Variants in PLEKHM3 observed in about 807,000 individuals in gnomAD.
The protein encoded by PLEKHM3 is pleckstrin homology domain containing M3.
Under a neutral mutation model 81.8 loss-of-function variants are expected in PLEKHM3, and 45 were observed. That is an observed-to-expected ratio of 0.55 (90% confidence interval 0.43 to 0.71). The LOEUF is 0.71. Ranked by LOEUF, PLEKHM3 falls within the 30% of genes least tolerant of loss-of-function variation. PLEKHM3 has a pLI of 0.00. For missense variants in PLEKHM3, 788 were observed against 924.3 expected (o/e 0.85, Z 1.91); for synonymous variants, 352 against 356.4 (o/e 0.99, Z 0.14).
intron 1 of PLEKHM3, among the ~76,000 whole-genome samples, chr2:208,006,027 T>A (rs977133777): frequency 7.2e-5 from 11 of 152,192 alleles, no homozygotes; most frequent in African/African-American, 2.7e-4. Context: ...TTTGCCAAAT[T>A]GTACCAAAAT....
intron 7 of PLEKHM3, among the ~76,000 whole-genome samples, chr2:207,842,595 A>G (rs2092360660): frequency 6.7e-6 from 1 of 148,862 alleles, no homozygotes; most frequent in Non-Finnish European, 1.5e-5. Flanking sequence ...AGGAGGGAAG[A>G]AGGAGGGAAG....
At chr2:207,889,020 G>C (rs539076853) in intron 6 of PLEKHM3, among the ~76,000 whole-genome samples, 2 of 152,252 alleles carry the variant, frequency 1.3e-5, no homozygotes, top group East Asian at 3.9e-4. Flanking sequence ...CCTATAAATG[G>C]CCTCTATGTT....
chr2:207,939,690 T>G (rs1689871773), intron 4 of PLEKHM3, among the ~76,000 whole-genome samples: 1 of 152,146 alleles, frequency 6.6e-6, no homozygotes. Flanking sequence ...AAACTAAGAC[T>G]GAGAGAGAGT....
intron 7 of PLEKHM3, among the ~76,000 whole-genome samples, chr2:207,852,400 G>T (rs1438617556): frequency 2.0e-5 from 3 of 152,140 alleles, no homozygotes; most frequent in Non-Finnish European, 2.9e-5. Flanking sequence ...AAATGTTAGT[G>T]CCATTCCCTT....
At chr2:207,878,652 C>A (rs566577325) in intron 6 of PLEKHM3, among the ~76,000 whole-genome samples, 1 of 152,110 alleles carries the variant, frequency 6.6e-6, no homozygotes, top group East Asian at 1.9e-4. Context: ...CACAATGGTT[C>A]CAAGAGGTCA....
chr2:207,845,348 T>C (rs951797939), intron 7 of PLEKHM3, among the ~76,000 whole-genome samples: 2 of 152,260 alleles, frequency 1.3e-5, no homozygotes, highest in African/African-American at 4.8e-5. Context: ...CAGAACATAC[T>C]GCTCAGTCTG....
At chr2:207,953,709 A>G (rs953714741) in intron 3 of PLEKHM3, among the ~76,000 whole-genome samples, 1 of 152,074 alleles carries the variant, frequency 6.6e-6, no homozygotes, top group African/African-American at 2.4e-5. Context: ...ACATGCCTGT[A>G]ATCCCTGCTT....
chr2:207,846,301 C>A (rs2092382370), intron 7 of PLEKHM3, among the ~76,000 whole-genome samples: 1 of 151,924 alleles, frequency 6.6e-6, no homozygotes, highest in Non-Finnish European at 1.5e-5. Flanking sequence ...GCCACCACAC[C>A]CGGCTAATTT....
At chr2:207,832,513 C>T (rs371096143) in intron 7 of PLEKHM3, among the ~76,000 whole-genome samples, 1 of 152,044 alleles carries the variant, frequency 6.6e-6, no homozygotes, top group African/African-American at 2.4e-5. Flanking sequence ...ATTCATTGGC[C>T]GGGTGCAGTG....
intron 7 of PLEKHM3, among the ~76,000 whole-genome samples, chr2:207,836,496 C>T (rs1405588290): frequency 6.6e-6 from 1 of 152,142 alleles, no homozygotes; most frequent in East Asian, 1.9e-4. Flanking sequence ...GTTATTGAAA[C>T]TAGGAAAATG....
At chr2:208,011,485 T>C (rs1288457159) in intron 1 of PLEKHM3, among the ~76,000 whole-genome samples, 1 of 152,184 alleles carries the variant, frequency 6.6e-6, no homozygotes, top group Non-Finnish European at 1.5e-5. Context: ...TGGAGACTAC[T>C]ATTCTAAGTG....
intron 3 of PLEKHM3, among the ~76,000 whole-genome samples, chr2:207,955,131 G>A (rs1690460036): frequency 6.6e-6 from 1 of 152,160 alleles, no homozygotes; most frequent in South Asian, 2.1e-4. Flanking sequence ...ATAATGATCT[G>A]TAATACAGAT....
At chr2:207,860,149 C>CTGTGTGTGTG (rs1491556619) in intron 7 of PLEKHM3, among the ~76,000 whole-genome samples, 41 of 63,806 alleles carry the variant, frequency 6.4e-4, no homozygotes, top group Middle Eastern at 0.01. Flanking sequence ...TGAACTCTGC[C>CTGTGTGTGTG]TCTGTGTGTG....
In PLEKHM3 at chr2:207,821,793, T is replaced by G. The variant is rs1223157814; in HGVS notation, c.*6526A>C. On this transcript the variant is annotated 3_prime_UTR_variant, in exon 8 of 8. Coordinates refer to ENST00000427836, the MANE Select transcript of PLEKHM3 (RefSeq NM_001080475.3). ...AGGGTCTCGCTATCTTGCCCAGACT[T>G]GTCTTGAACTCCTGGGCTCCAGTGA... 1 of 152,104 alleles carries G rather than the reference T, an allele frequency of 6.6e-6. No individual in the cohort carries two copies. Among genetic ancestry groups the G allele is most frequent in the Non-Finnish European group, 1.5e-5 (1 of 68,018 alleles). The allele number at this position is 152,104 out of a possible 1,614,324, so 9.4% of individuals were successfully genotyped here.
At chr2:208,003,779 G>A (rs538032630) in intron 1 of PLEKHM3, among the ~76,000 whole-genome samples, 3 of 152,190 alleles carry the variant, frequency 2.0e-5, no homozygotes, top group African/African-American at 7.2e-5. Flanking sequence ...TGAAACTTGG[G>A]ATATTTTTCA....
intron 6 of PLEKHM3, among the ~76,000 whole-genome samples, chr2:207,866,562 C>T (rs2092502243): frequency 6.6e-6 from 1 of 152,200 alleles, no homozygotes; most frequent in African/African-American, 2.4e-5. Context: ...CTGGACAAAA[C>T]TGGAGCTTAT....
At chr2:207,866,222 C>T (rs2092500051) in intron 6 of PLEKHM3, among the ~76,000 whole-genome samples, 1 of 152,150 alleles carries the variant, frequency 6.6e-6, no homozygotes, top group African/African-American at 2.4e-5. Context: ...GTGGTGTGAT[C>T]TAGGCTCACT....
chr2:207,832,835 G>C (rs1033813415), intron 7 of PLEKHM3, among the ~76,000 whole-genome samples: 3 of 151,338 alleles, frequency 2.0e-5, no homozygotes, highest in Non-Finnish European at 4.4e-5. Flanking sequence ...CATTGGGCTG[G>C]GTGCGGTGGC....
Position 208,001,281 on chromosome 2 carries a change from A to C in PLEKHM3, c.359T>G (p.Phe120Cys), listed in dbSNP as rs1692292040. ...EQKEASTFNF[F>C]NICQRRRDRP... ...GTCCCTCCGACGCTGACAGATATTG[A>C]AGAAATTAAAGGTTGATGCTTCCTT... is the stretch of plus-strand genomic sequence containing the variant. Residue 120 changes from phenylalanine (F) to cysteine (C), a missense_variant, in exon 2 of 8, where the codon TTC becomes TGC. Physicochemically the swap from Phe to Cys is radical, Grantham distance 205 (BLOSUM62 -2). Coordinates refer to ENST00000427836, the MANE Select transcript of PLEKHM3 (RefSeq NM_001080475.3). The C allele has an allele frequency of 6.2e-7, 1 of 1,614,088 alleles. No homozygotes were observed. Among genetic ancestry groups the C allele is most frequent in the Admixed American group, 1.7e-5 (1 of 60,008 alleles).
Sources: allele counts gnomAD v4.1 joint callset (sites outside exome capture counted in the v4.1 genomes callset), GRCh38; gene constraint gnomAD v4.1.1; transcripts MANE v1.5; gene names NCBI Gene and HGNC (gene_info 2026-07-23, HGNC 2026-07-21).